The following DNHD1 variants were observed in gnomAD, a reference collection of about 807,000 sequenced individuals.
DNHD1 encodes dynein heavy chain domain 1, also known as dynein heavy chain domain-containing protein 1.
In DNHD1, 383 loss-of-function variants were observed where a neutral mutation model predicts 458.1. That is an observed-to-expected ratio of 0.84 (90% confidence interval 0.77 to 0.91). The LOEUF is 0.91. DNHD1 is among the 40% of genes least tolerant of loss of function. DNHD1 has a pLI of 0.00. For missense variants in DNHD1, 5,336 were observed against 5,866.1 expected (o/e 0.91, Z 2.95); for synonymous variants, 2,203 against 2,376.9 (o/e 0.93, Z 2.13).
Position 6,509,054 on chromosome 11 carries a change from G to A in DNHD1, c.1095G>A (p.Lys365=), listed in dbSNP as rs1168454988. The A allele has an allele frequency of 6.2e-7, 1 of 1,614,222 alleles. No homozygotes were observed. ...WQQLQFIPFF[K]YCLLRKSFTC... is the part of the protein sequence containing the mutation. ...AGCTCCAGTTCATTCCATTCTTTAA[G>A]TATTGCCTCTTACGCAAGTCCTTTA... The change falls in exon 5 of 43, where the codon AAG becomes AAA. Residue 365 remains lysine (K), a synonymous_variant. Transcript: ENST00000254579.
chr11:6,502,226 G>C (rs1198538644), intron 3 of DNHD1, among the ~76,000 whole-genome samples: 1 of 152,188 alleles, frequency 6.6e-6, no homozygotes, highest in Non-Finnish European at 1.5e-5. Context: ...GGAAAGGAAA[G>C]AATATGAAGC....
intron 4 of DNHD1, among the ~76,000 whole-genome samples, chr11:6,506,640 A>T (rs1445684146): frequency 6.6e-6 from 1 of 152,058 alleles, no homozygotes; most frequent in Non-Finnish European, 1.5e-5. Flanking sequence ...GAGAGAATTT[A>T]TTCCTTCACC....
chr11:6,551,092 T>C (rs1470189596), intron 24 of DNHD1, among the ~76,000 whole-genome samples: 1 of 152,200 alleles, frequency 6.6e-6, no homozygotes, highest in Admixed American at 6.5e-5. Context: ...ATAGACCATA[T>C]GCTGGGTTAC....
At chr11:6,566,208 T>C (rs1186610814) in intron 33 of DNHD1, 33 bp from the exon 34 acceptor site, 1 of 1,547,232 alleles carries the variant, frequency 6.5e-7, no homozygotes. Flanking sequence ...GTGCTGGCAT[T>C]GTGGGTAGGG....
Position 6,548,344 on chromosome 11 carries a change from G to GC in DNHD1, c.7042dup (p.Gln2348ProfsTer21), listed in dbSNP as rs1446696805. Reference sequence around the variant, plus strand: ...GATGGAACACTGGTCCCCTTCACTGGCCAATACCTGAGCAGCCACATCAAA... The same window carrying GC: ...GATGGAACACTGGTCCCCTTCACTGGCCCAATACCTGAGCAGCCACATCAAA... On this transcript the variant is annotated frameshift_variant, in exon 23 of 43. Coordinates refer to ENST00000254579, the MANE Select transcript of DNHD1 (RefSeq NM_144666.3). LOFTEE classifies it high-confidence loss of function. The surrounding 1 kb of genome is among the most constrained non-coding windows in gnomAD (Gnocchi z 4.4). The GC allele has an allele frequency of 1.3e-5, 20 of 1,551,478 alleles. No individual in the cohort carries two copies. In the East Asian group the frequency reaches 4.4e-4, roughly 34 times the overall value.
chr11:6,568,942 T>C, intron 39 of DNHD1, 76 bp downstream of exon 39: 1 of 1,446,168 alleles, frequency 6.9e-7, no homozygotes, highest in Non-Finnish European at 9.2e-7. Flanking sequence ...CTGGGATGAG[T>C]AAAACTAATT....
Position 6,540,645 on chromosome 11 carries a change from G to C in DNHD1, c.3628+562G>C, listed in dbSNP as rs138848531. On this transcript the variant is annotated intron_variant, in intron 18 of 42. Coordinates refer to ENST00000254579, the MANE Select transcript of DNHD1 (RefSeq NM_144666.3). ...GAGGACCAGCTCAAAGAACCAGAGA[G>C]AGAATTAGAGAAGTCTTCTTTAGGC... 7.5e-3 allele frequency among the ~76,000 whole-genome samples: 1,144 copies of C among 152,342 alleles called. 11 individuals are homozygous for C. The highest frequency in any genetic ancestry group is 0.02 in the Middle Eastern group (6 of 294).
At chr11:6,554,004 T>C (rs1853413164) in intron 24 of DNHD1, among the ~76,000 whole-genome samples, 2 of 152,110 alleles carry the variant, frequency 1.3e-5, no homozygotes, top group African/African-American at 2.4e-5. Context: ...GAAACTTATA[T>C]AGCAATGCAA....
rs1853197708 is a variant in DNHD1, at chr11:6,545,718, C to T, written c.4779C>T (p.Val1593=). The T allele has an allele frequency of 1.3e-6, 2 of 1,551,688 alleles. No individual in the cohort carries two copies. The highest frequency in any genetic ancestry group is 4.9e-5 in the East Asian group (2 of 40,920). ...DIAQLLEQHQ[V]SDLTDFHWVR... ...CACAGCTGCTGGAACAGCACCAGGT[C>T]AGTGATCTCACAGACTTTCACTGGG... Residue 1593 remains valine (V), a synonymous_variant, in exon 21 of 43, where the codon GTC becomes GTT. Transcript: ENST00000254579. This position sits in a 1 kb window ranked among gnomAD's most constrained non-coding sequence, Gnocchi z 4.9.
At position 6,546,232 on chromosome 11, in the gene DNHD1, C is replaced by G; in HGVS notation, c.5293C>G (p.Pro1765Ala). ...RLGELHHLYA[P>A]LYQEASRNTS... ...GGGTGAACTGCACCACTTGTATGCC[C>G]CACTGTACCAGGAGGCTTCCCGAAA... Residue 1765 changes from proline (P) to alanine (A), a missense_variant, in exon 21 of 43, where the codon CCA becomes GCA. This residue lies in a region of DNHD1 where 3,932 missense variants were observed against 4,365.6 expected (regional missense o/e 0.90). Coordinates refer to ENST00000254579, the MANE Select transcript of DNHD1 (RefSeq NM_144666.3). The G allele has an allele frequency of 6.4e-7, 1 of 1,552,006 alleles. No individual in the cohort carries two copies. The highest frequency in any genetic ancestry group is 1.2e-5 in the South Asian group (1 of 84,002).
chr11:6,539,171 C>T, intron 16 of DNHD1, 48 bp from the exon 17 acceptor site: 1 of 1,331,650 alleles, frequency 7.5e-7, no homozygotes, highest in Non-Finnish European at 1.1e-6. Context: ...ATGGGTTGGA[C>T]TCTGCCACAT....
At position 6,528,901 on chromosome 11, in the gene DNHD1, A is replaced by G. The variant is rs1431620589; in HGVS notation, c.2127A>G (p.Glu709=). ...LLEGVLCKVQ[E]FCREHHWITG... ...AGGGCGTGCTGTGCAAGGTGCAGGA[A>G]TTCTGCAGGGAACATCATTGGATAA... Residue 709 remains glutamate (E), a synonymous_variant, in exon 12 of 43, where the codon GAA becomes GAG. Coordinates refer to ENST00000254579, the MANE Select transcript of DNHD1 (RefSeq NM_144666.3). 1 of 1,551,604 alleles carries G rather than the reference A, an allele frequency of 6.4e-7. No individual in the cohort carries two copies. Among genetic ancestry groups the G allele is most frequent in the Admixed American group, 2.0e-5 (1 of 50,994 alleles).
chr11:6,563,715 A>G lies in DNHD1; in HGVS notation c.9875A>G (p.Glu3292Gly). Residue 3292 changes from glutamate (E) to glycine (G), a missense_variant, in exon 31 of 43, where the codon GAG becomes GGG. Transcript: ENST00000254579. The part of the protein sequence containing the change: ...FYQELVFFPK[E>G]KITDSELIKL... ...CAGGAGCTGGTGTTCTTCCCCAAGG[A>G]GAAGATAACAGACTCAGAGCTGATA... is the stretch of plus-strand genomic sequence containing the variant. The G allele has an allele frequency of 6.5e-7, 1 of 1,546,334 alleles. No homozygotes were observed. Among genetic ancestry groups the G allele is most frequent in the Non-Finnish European group, 8.7e-7 (1 of 1,144,040 alleles).
In DNHD1 at chr11:6,571,138, G is replaced by T. The variant is rs1260080724; in HGVS notation, c.13626G>T (p.Pro4542=). 2 of 1,600,748 alleles carry T rather than the reference G, an allele frequency of 1.2e-6. No homozygotes were observed. Among genetic ancestry groups the T allele is most frequent in the Admixed American group, 1.7e-5 (1 of 59,666 alleles). ...CCTTGCCTTGGCGACCTCATGCGCC[G>T]GCCGGTCCGCAGCCGCCCTGGCACT... ...RLPLPWRPHA[P]AGPQPPWHWL... Residue 4542 remains proline (P), a synonymous_variant, in exon 42 of 43, where the codon CCG becomes CCT. Coordinates refer to ENST00000254579, the MANE Select transcript of DNHD1 (RefSeq NM_144666.3). The surrounding 1 kb of genome is among the most constrained non-coding windows in gnomAD (Gnocchi z 5.0).
chr11:6,559,385 A>G, intron 28 of DNHD1, 102 bp downstream of exon 28: 1 of 978,170 alleles, frequency 1.0e-6, no homozygotes, highest in Non-Finnish European at 1.5e-6. Context: ...TTGTCCCCCT[A>G]AGCTTCCCCT....
chr11:6,568,784 G>A lies in DNHD1; in HGVS notation c.12781G>A (p.Ala4261Thr). The change falls in exon 39 of 43, where the codon GCA becomes ACA. Residue 4261 changes from alanine to threonine, a missense_variant. By Grantham distance (58) the Ala-to-Thr change is moderately conservative. Around this residue, in one of 4 missense-constraint regions of DNHD1, gnomAD observed 698 missense variants for 664.9 expected, o/e 1.05. Transcript: ENST00000254579. ...ACTCTACATGCAACCCCCCACCCAG[G>A]CACTACCTCTGCTCCTCCTCCATGG... Reference protein sequence around the residue: ...QVLYMQPPTQALPLLLLHGLL... With the variant: ...QVLYMQPPTQTLPLLLLHGLL... The A allele has an allele frequency of 6.2e-7, 1 of 1,613,412 alleles. No individual in the cohort carries two copies. Among genetic ancestry groups the A allele is most frequent in the Non-Finnish European group, 8.5e-7 (1 of 1,179,720 alleles).
chr11:6,559,165 C>T lies in DNHD1; in HGVS notation c.9417-16C>T, dbSNP rs1853532379. On this transcript the variant is annotated splice_polypyrimidine_tract_variant and intron_variant, in intron 27 of 42. Transcript: ENST00000254579. Reference sequence around the variant, plus strand: ...CTGCTCCTTTGGGTTTCCTCACCAGCACATTGTATCTCCAGGGTCCAGAAT... The same window carrying T: ...CTGCTCCTTTGGGTTTCCTCACCAGTACATTGTATCTCCAGGGTCCAGAAT... 1.3e-6 allele frequency: 2 copies of T among 1,551,632 alleles called. No homozygotes were observed. The highest frequency in any genetic ancestry group is 1.4e-5 in the African/African-American group (1 of 73,158).
intron 6 of DNHD1, 99 bp downstream of exon 6, chr11:6,509,371 G>A: frequency 9.0e-7 from 1 of 1,105,078 alleles, no homozygotes; most frequent in Non-Finnish European, 1.3e-6. Flanking sequence ...ATACAAAAAA[G>A]CACTAAGAAA....
intron 18 of DNHD1, among the ~76,000 whole-genome samples, chr11:6,543,259 C>T (rs1853136150): frequency 6.6e-6 from 1 of 152,166 alleles, no homozygotes; most frequent in Admixed American, 6.5e-5. Context: ...CTCATTTTTA[C>T]CCCAATTAGT....
Sources: gnomAD v4.1 joint callset for allele counts (sites outside exome capture counted in the v4.1 genomes callset) on GRCh38, gnomAD v4.1.1 for gene constraint, gnomAD v4.1.1 regional missense constraint, Gnocchi (gnomAD v3.1) non-coding constraint, MANE v1.5 for transcripts, NCBI Gene and HGNC (gene_info 2026-07-23, HGNC 2026-07-21) for gene names.